Variants in MECR observed in about 807,000 individuals in gnomAD.
MECR encodes mitochondrial trans-2-enoyl-CoA reductase.
Under a neutral mutation model 49.1 loss-of-function variants are expected in MECR, and 37 were observed. The observed-to-expected ratio is 0.75, with a 90% CI of 0.58 to 0.99. The LOEUF is 0.99. MECR is among the 50% of genes least tolerant of loss of function. The pLI, the probability that MECR is intolerant of heterozygous loss-of-function variation, is 0.00. For missense variants in MECR, 470 were observed against 479.6 expected, an observed-to-expected ratio of 0.98 and a Z score of 0.19; for synonymous variants, 198 against 191.1, an observed-to-expected ratio of 1.04 and a Z score of -0.30.
At chr1:29,170,896 G>A in the MECR span, 1 of 152,138 alleles carries the variant, frequency 6.6e-6, no homozygotes, top group Non-Finnish European at 1.5e-5. Flanking sequence ...GGGGACCTGG[G>A]AGAAATAAAG....
At chr1:29,187,935 G>A (rs1286670828), downstream of MECR, among the ~76,000 whole-genome samples, 1 of 144,728 alleles carries the variant, frequency 6.9e-6, no homozygotes, top group Non-Finnish European at 1.5e-5. Context: ...TACTCGGGAG[G>A]TTGAGGCAGG....
intron 5 of MECR, 73 bp downstream of exon 5, chr1:29,203,058 C>G (rs1055497083): frequency 9.4e-6 from 12 of 1,282,034 alleles, no homozygotes; most frequent in Non-Finnish European, 1.3e-5. Context: ...TGGTGGACAA[C>G]TGGGCACCGC....
the MECR span, chr1:29,181,666 C>T: frequency 6.3e-7 from 1 of 1,595,296 alleles, no homozygotes. Context: ...GATCCACCTC[C>T]AGGATCTTCC....
intron 4 of MECR, among the ~76,000 whole-genome samples, chr1:29,205,053 T>G (rs1447233782): frequency 6.6e-6 from 1 of 152,122 alleles, no homozygotes; most frequent in Non-Finnish European, 1.5e-5. Flanking sequence ...CGGATGTGCA[T>G]GGATGTGCAT....
At chr1:29,230,683 C>T (rs1009991267) in intron 1 of MECR, 48 bp downstream of exon 1, 1 of 1,545,160 alleles carries the variant, frequency 6.5e-7, no homozygotes, top group Admixed American at 2.0e-5. Context: ...GTGTTAAAGC[C>T]TTCCAGAAAC....
chr1:29,201,629 T>C lies in MECR; in HGVS notation c.756+314A>G, dbSNP rs78918668. 2.8e-3 allele frequency: 1,411 copies of C among 500,138 alleles called. 30 individuals are homozygous for C. The East Asian group carries it at 0.053, about 19-fold the overall frequency. 31.0% of individuals were successfully genotyped at this position (500,138 alleles called of 1,614,324 possible). ...TCTTTTCTTTCTCTTTCTGTGTCTC[T>C]GTTTCCTCAGGTCCTCTCCTGCCAG... On this transcript the variant is annotated intron_variant, in intron 6 of 9. Transcript: ENST00000263702. The surrounding 1 kb of genome is among the most constrained non-coding windows in gnomAD (Gnocchi z 4.3).
chr1:29,221,726 CAG>C (rs1442981263), intron 1 of MECR, among the ~76,000 whole-genome samples: 2 of 152,114 alleles, frequency 1.3e-5, no homozygotes, highest in African/African-American at 4.8e-5. Context: ...GGATACAGAG[CAG>C]AGAGTGCTCA....
chr1:29,183,284 A>G, the MECR span, among the ~76,000 whole-genome samples: 4 of 152,230 alleles, frequency 2.6e-5, no homozygotes, highest in African/African-American at 7.2e-5. Context: ...GGTTCATACC[A>G]TTTTATACAC....
At chr1:29,230,542 C>G in intron 1 of MECR, 189 bp downstream of exon 1, 1 of 614,886 alleles carries the variant, frequency 1.6e-6, no homozygotes, top group Non-Finnish European at 2.8e-6. Context: ...CTGATAATTG[C>G]CTCTCGGGTC....
In MECR at chr1:29,216,030, C is replaced by T; in HGVS notation, c.381G>A (p.Trp127Ter). The change falls in exon 3 of 10, where the codon TGG (tryptophan) becomes TGA (stop). Residue 127 changes from tryptophan (W) to a stop codon, truncating the protein, a stop_gained. Coordinates refer to ENST00000263702, the MANE Select transcript of MECR (RefSeq NM_016011.5). LOFTEE classifies it high-confidence loss of function. ...SNVTGLKPGDWVIPANAGLGT... is the reference protein window; with the variant it reads ...SNVTGLKPGD ...CTAAACCAGCATTTGCTGGAATCAC[C>T]CAGTCTCCTGGCTTCAGCCCGGTCA... 6.2e-7 allele frequency: 1 copy of T among 1,614,160 alleles called. No individual in the cohort carries two copies. Among genetic ancestry groups the T allele is most frequent in the African/African-American group, 1.3e-5 (1 of 75,052 alleles).
chr1:29,213,144 C>A (rs888953865), intron 3 of MECR, among the ~76,000 whole-genome samples: 10 of 152,222 alleles, frequency 6.6e-5, no homozygotes, highest in African/African-American at 2.2e-4. Context: ...TGTTGTTTTT[C>A]CATTTCTGGG....
Position 29,200,735 on chromosome 1 carries a change from T to C in MECR, c.757-146A>G, listed in dbSNP as rs536077292. 44 of 631,952 alleles carry C rather than the reference T, an allele frequency of 7.0e-5. No individual in the cohort carries two copies. The African/African-American group carries it at 7.7e-4, about 11-fold the overall frequency. The allele number at this position is 631,952 out of a possible 1,614,324, so 39.1% of individuals were successfully genotyped here. A position where few individuals can be genotyped will look rare whatever the true frequency, so the allele number is the denominator to read the frequency against. On this transcript the variant is annotated intron_variant, in intron 6 of 9. Coordinates refer to ENST00000263702, the MANE Select transcript of MECR (RefSeq NM_016011.5). ...GCACGTACTTATGTATATGTGTGTG[T>C]GTTTATGCCTTTGAACTCACCTTTT...
the MECR span, among the ~76,000 whole-genome samples, chr1:29,187,294 A>G: frequency 6.0e-5 from 9 of 150,442 alleles, no homozygotes; most frequent in African/African-American, 2.2e-4. Context: ...GCTTACTGCA[A>G]CCTCCGCCTC....
chr1:29,204,651 A>G (rs1676139525), intron 4 of MECR, among the ~76,000 whole-genome samples: 1 of 152,214 alleles, frequency 6.6e-6, no homozygotes, highest in African/African-American at 2.4e-5. Flanking sequence ...AGTTCAGGCC[A>G]TATCAGCCTT....
the MECR span, among the ~76,000 whole-genome samples, chr1:29,184,386 A>G: frequency 2.0e-5 from 3 of 151,078 alleles, no homozygotes; most frequent in Non-Finnish European, 4.4e-5. Flanking sequence ...CATGTTGGCC[A>G]GGCTGGTCTC....
At chr1:29,183,397 C>T in the MECR span, among the ~76,000 whole-genome samples, 1 of 150,472 alleles carries the variant, frequency 6.6e-6, no homozygotes, top group African/African-American at 2.5e-5. Context: ...CTCTCTCTTT[C>T]TCTCTCTCTC....
At chr1:29,185,271 CAG>C in the MECR span, among the ~76,000 whole-genome samples, 3 of 152,082 alleles carry the variant, frequency 2.0e-5, no homozygotes, top group Non-Finnish European at 2.9e-5. Flanking sequence ...TTTTTTGAGA[CAG>C]AGTTTTGCTC....
chr1:29,176,974 G>C, the MECR span, among the ~76,000 whole-genome samples: 9 of 151,656 alleles, frequency 5.9e-5, no homozygotes, highest in Admixed American at 5.3e-4. Context: ...TATCCTTCTA[G>C]CTACTAGACA....
rs190980979 is a variant in MECR, at chr1:29,216,950, C to A, written c.177-265G>T. 402 of 524,142 alleles carry A rather than the reference C, an allele frequency of 7.7e-4. 2 individuals carry two copies. Among genetic ancestry groups the A allele is most frequent in the African/African-American group, 6.6e-3 (332 of 50,336 alleles). The allele number at this position is 524,142 out of a possible 1,614,324, so 32.5% of individuals were successfully genotyped here. ...AGGAGTTCAAGACCAGCCTGGCCAA[C>A]ATGGTGAAAACCTGTCTCTACTAAA... On this transcript the variant is annotated intron_variant, in intron 1 of 9. Coordinates refer to ENST00000263702, the MANE Select transcript of MECR (RefSeq NM_016011.5).
Sources: gnomAD v4.1 joint callset for allele counts (sites outside exome capture counted in the v4.1 genomes callset) on GRCh38, gnomAD v4.1.1 for gene constraint, Gnocchi (gnomAD v3.1) non-coding constraint, MANE v1.5 for transcripts, NCBI Gene and HGNC (gene_info 2026-07-23, HGNC 2026-07-21) for gene names.